FRMPD1: variants seen among roughly 807,000 people sequenced by gnomAD.
FRMPD1 encodes FERM and PDZ domain containing 1.
In FRMPD1, 76 loss-of-function variants were observed where a neutral mutation model predicts 117.8. That is an observed-to-expected ratio of 0.65 (90% confidence interval 0.54 to 0.78). The LOEUF is 0.78. FRMPD1 is among the 30% of genes least tolerant of loss of function. The pLI is 0.00. For synonymous variants in FRMPD1, 783 were observed against 770.4 expected, an observed-to-expected ratio of 1.02 and a Z score of -0.27; for missense variants, 1,786 against 1,964.5, an observed-to-expected ratio of 0.91 and a Z score of 1.72.
At chr9:37,661,397 T>C (rs1290094439) in intron 1 of FRMPD1, among the ~76,000 whole-genome samples, 4 of 152,206 alleles carry the variant, frequency 2.6e-5, no homozygotes, top group South Asian at 2.1e-4. Flanking sequence ...AGGGAGGATA[T>C]AATGACCCCT....
At chr9:37,605,682 TTTTATTTATTTATTTA>T in the FRMPD1 span, among the ~76,000 whole-genome samples, 80 of 143,742 alleles carry the variant, frequency 5.6e-4, no homozygotes, top group Admixed American at 1.3e-3. Flanking sequence ...TCTGGTAGAA[TTTTATTTATTTATTTA>T]TTTATTTATT....
chr9:37,724,289 C>A lies in FRMPD1; in HGVS notation c.581C>A (p.Ala194Asp), dbSNP rs1213834081. The change falls in exon 7 of 16, where the codon GCT becomes GAT. Residue 194 changes from alanine to aspartate, a missense_variant. Transcript: ENST00000377765. Reference protein sequence around the residue: ...KLYLENGQTKAFKFEANTTVK... With the variant: ...KLYLENGQTKDFKFEANTTVK... The stretch of plus-strand genomic sequence containing the variant: ...TACTTGGAGAATGGACAGACCAAAG[C>A]TTTCAAGTTTGAGGCAAACACAACC... 6.3e-7 allele frequency: 1 copy of A among 1,599,800 alleles called. No individual in the cohort carries two copies. The highest frequency in any genetic ancestry group is 8.6e-7 in the Non-Finnish European group (1 of 1,167,022).
chr9:37,696,075 T>TTTTA (rs752862883), intron 2 of FRMPD1, among the ~76,000 whole-genome samples: 60 of 120,656 alleles, frequency 5.0e-4, no homozygotes, highest in African/African-American at 1.2e-3. Context: ...TTTTTTTTTT[T>TTTTA]AATATCTAGA....
chr9:37,698,052 T>C (rs1822389400), intron 2 of FRMPD1, among the ~76,000 whole-genome samples: 1 of 152,128 alleles, frequency 6.6e-6, no homozygotes, highest in Non-Finnish European at 1.5e-5. Flanking sequence ...GAGGCAGAGG[T>C]TGTGTGAGCC....
intron 1 of FRMPD1, among the ~76,000 whole-genome samples, chr9:37,672,881 G>A (rs560784788): frequency 4.6e-5 from 7 of 152,180 alleles, no homozygotes; most frequent in East Asian, 1.9e-4. Flanking sequence ...GACCAGCCCC[G>A]TGATTAAATT....
chr9:37,717,341 A>ATATGTGTG (rs1491570014), intron 5 of FRMPD1, among the ~76,000 whole-genome samples: 1 of 120,166 alleles, frequency 8.3e-6, no homozygotes, highest in Non-Finnish European at 1.7e-5. Flanking sequence ...ATGTGTATAT[A>ATATGTGTG]TGTGTGTGTG....
Position 37,725,557 on chromosome 9 carries a change from C to G in FRMPD1, c.612+1237C>G, listed in dbSNP as rs528783704. Among the ~76,000 whole-genome samples, 21 of 152,344 alleles carry G rather than the reference C, an allele frequency of 1.4e-4. No individual in the cohort carries two copies. In the South Asian group the frequency reaches 2.9e-3, roughly 21 times the overall value. On this transcript the variant is annotated intron_variant, in intron 7 of 15. Coordinates refer to ENST00000377765, the MANE Select transcript of FRMPD1 (RefSeq NM_014907.3). ...AATTCCTACAGCTGCTCCAAATGCT[C>G]TATTCTATTTCTTCCTAAATGTGAG... is the stretch of plus-strand genomic sequence containing the variant.
At chr9:37,617,538 G>A in the FRMPD1 span, among the ~76,000 whole-genome samples, 2 of 152,176 alleles carry the variant, frequency 1.3e-5, no homozygotes, top group Non-Finnish European at 2.9e-5. Flanking sequence ...AAAGTATCTG[G>A]CACATAGTAA....
At chr9:37,699,824 A>G (rs1822469520) in intron 2 of FRMPD1, among the ~76,000 whole-genome samples, 1 of 152,166 alleles carries the variant, frequency 6.6e-6, no homozygotes, top group Admixed American at 6.5e-5. Context: ...ACAATGACAC[A>G]AGGCACATAC....
chr9:37,621,067 T>C, the FRMPD1 span, among the ~76,000 whole-genome samples: 1 of 152,106 alleles, frequency 6.6e-6, no homozygotes, highest in Admixed American at 6.6e-5. Flanking sequence ...TCGAAATTGA[T>C]GGAGAGGGAA....
Position 37,729,711 on chromosome 9 carries a change from C to T in FRMPD1, c.613-17C>T, listed in dbSNP as rs373730051. On this transcript the variant is annotated splice_polypyrimidine_tract_variant and intron_variant, in intron 7 of 15. Transcript: ENST00000377765. ...CCTGTTTCTTGCGTAACTCCTGCACCTCTCTGTGCCTGCTAGGACATCATC... is the reference window on the plus strand; with the variant it reads ...CCTGTTTCTTGCGTAACTCCTGCACTTCTCTGTGCCTGCTAGGACATCATC... 4.3e-6 allele frequency: 7 copies of T among 1,612,772 alleles called. No homozygotes were observed. The African/African-American group carries it at 8.0e-5, about 18-fold the overall frequency.
At chr9:37,650,033 C>G (rs1820617469), upstream of FRMPD1, among the ~76,000 whole-genome samples, 1 of 152,176 alleles carries the variant, frequency 6.6e-6, no homozygotes, top group African/African-American at 2.4e-5. Context: ...GTGCCCTTGG[C>G]CCCGTGGGAT....
intron 1 of FRMPD1, among the ~76,000 whole-genome samples, chr9:37,686,290 T>C (rs766740545): frequency 1.3e-5 from 2 of 152,154 alleles, no homozygotes; most frequent in Non-Finnish European, 2.9e-5. Flanking sequence ...GAGGGCAGCA[T>C]TGGTGTGGAG....
At chr9:37,659,729 T>C (rs889219882) in intron 1 of FRMPD1, among the ~76,000 whole-genome samples, 4 of 152,120 alleles carry the variant, frequency 2.6e-5, no homozygotes, top group African/African-American at 9.6e-5. Flanking sequence ...TTGACAACCC[T>C]GTAAGGGCAT....
At chr9:37,695,475 GA>G (rs1401395295) in intron 2 of FRMPD1, among the ~76,000 whole-genome samples, 1 of 152,158 alleles carries the variant, frequency 6.6e-6, no homozygotes. Flanking sequence ...GAAAAACAAA[GA>G]GATAAAGTTT....
the FRMPD1 span, among the ~76,000 whole-genome samples, chr9:37,623,682 A>G: frequency 6.6e-6 from 1 of 152,104 alleles, no homozygotes; most frequent in Non-Finnish European, 1.5e-5. Flanking sequence ...CACTGCAGAA[A>G]TGATATGATT....
the FRMPD1 span, among the ~76,000 whole-genome samples, chr9:37,614,060 T>C: frequency 5.3e-5 from 8 of 152,368 alleles, no homozygotes; most frequent in South Asian, 1.0e-3. Flanking sequence ...GAGAGGGGAC[T>C]TTATTTCTGA....
chr9:37,711,341 T>G lies in FRMPD1; in HGVS notation c.363-9T>G. 2 of 1,598,292 alleles carry G rather than the reference T, an allele frequency of 1.3e-6. No homozygotes were observed. The highest frequency in any genetic ancestry group is 2.2e-5 in the South Asian group (2 of 90,738). ...TAAATGTTTTTGTCTTTATTCTTTC[T>G]TTTTTCAGGGAAGCAGAAGATTCTC... On this transcript the variant is annotated splice_polypyrimidine_tract_variant and intron_variant, in intron 4 of 15. Transcript: ENST00000377765.
upstream of FRMPD1, among the ~76,000 whole-genome samples, chr9:37,650,793 C>G (rs1311320389): frequency 1.3e-5 from 2 of 150,782 alleles, no homozygotes; most frequent in Admixed American, 6.6e-5. Context: ...GCCGGGACCT[C>G]GGAGCCAGCG....
Sources: allele counts gnomAD v4.1 joint callset (sites outside exome capture counted in the v4.1 genomes callset), GRCh38; gene constraint gnomAD v4.1.1; transcripts MANE v1.5; gene names NCBI Gene and HGNC (gene_info 2026-07-23, HGNC 2026-07-21).